Variants in PTPN2 observed in about 807,000 individuals in gnomAD.
The protein encoded by PTPN2 is protein tyrosine phosphatase non-receptor type 2, also known as tyrosine-protein phosphatase non-receptor type 2.
A neutral mutation model predicts 57.3 loss-of-function variants in PTPN2; 19 were observed. The ratio of observed to expected loss-of-function variants is 0.33; its 90% CI spans 0.23 to 0.49. The LOEUF (loss-of-function observed/expected upper bound fraction) is 0.49, where lower values mean the gene tolerates loss of function less well. Ranked by LOEUF, PTPN2 falls within the 20% of genes least tolerant of loss-of-function variation. The probability of loss-of-function intolerance (pLI) is 0.99; values close to 1 mark genes in which losing one functional copy is unlikely to be tolerated. For missense variants in PTPN2, 358 were observed against 501.1 expected, an observed-to-expected ratio of 0.71 and a Z score of 2.73; for synonymous variants, 153 against 164.9, an observed-to-expected ratio of 0.93 and a Z score of 0.55.
At chr18:12,809,952 T>A (rs1430789187) in intron 7 of PTPN2, among the ~76,000 whole-genome samples, 2 of 151,942 alleles carry the variant, frequency 1.3e-5, no homozygotes, top group Non-Finnish European at 2.9e-5. Flanking sequence ...GAGGCTGAGG[T>A]GGGCAGATCA....
chr18:12,816,972 A>G (rs542291889), intron 6 of PTPN2, among the ~76,000 whole-genome samples, 184 bp downstream of exon 6: 1 of 152,274 alleles, frequency 6.6e-6, no homozygotes, highest in African/African-American at 2.4e-5. Flanking sequence ...ATACATTCCT[A>G]CCAGTCATGA....
chr18:12,882,514 C>CT (rs2044696769), intron 1 of PTPN2, among the ~76,000 whole-genome samples: 1 of 152,156 alleles, frequency 6.6e-6, no homozygotes, highest in Non-Finnish European at 1.5e-5. Context: ...TCACTTTTCT[C>CT]TTTTCAAATC....
In PTPN2 at chr18:12,802,005, A is replaced by C; in HGVS notation, c.1005T>G (p.Ser335=). ...LTGDRCTGLS[S]KMQDTMEENS... is the part of the protein sequence containing the mutation. ...TCTCCTCCATTGTATCTTGCATTTT[A>C]GAGGAAAGTCCTGTACATCGGTCAC... Residue 335 remains serine (S), a synonymous_variant, in exon 8 of 9, where the codon TCT becomes TCG. Transcript: ENST00000309660. 1 of 1,609,476 alleles carries C rather than the reference A, an allele frequency of 6.2e-7. No individual in the cohort carries two copies. Among genetic ancestry groups the C allele is most frequent in the Non-Finnish European group, 8.5e-7 (1 of 1,178,422 alleles).
At chr18:12,804,311 A>C (rs12962150) in intron 7 of PTPN2, among the ~76,000 whole-genome samples, 1 of 143,376 alleles carries the variant, frequency 7.0e-6, no homozygotes, top group East Asian at 2.1e-4. Context: ...AAAAAAAAAG[A>C]AAAAGAAAGT....
chr18:12,880,203 GAAC>G (rs1363695819), intron 1 of PTPN2, among the ~76,000 whole-genome samples: 3 of 152,140 alleles, frequency 2.0e-5, no homozygotes, highest in Non-Finnish European at 2.9e-5. Context: ...AAGGCAAAGA[GAAC>G]AACATTTACA....
At chr18:12,786,234 C>T (rs1203139838) in intron 9 of PTPN2, 3 of 188,820 alleles carry the variant, frequency 1.6e-5, no homozygotes, top group South Asian at 2.6e-4. Context: ...GCTAGACTTA[C>T]CAATACTTTG....
chr18:12,841,537 A>G (rs1357581833), intron 2 of PTPN2, among the ~76,000 whole-genome samples: 1 of 152,240 alleles, frequency 6.6e-6, no homozygotes, highest in African/African-American at 2.4e-5. Flanking sequence ...GAGTATTTCC[A>G]AGGTAGCACC....
intron 7 of PTPN2, among the ~76,000 whole-genome samples, chr18:12,802,429 T>A (rs1392439869): frequency 6.6e-6 from 1 of 152,188 alleles, no homozygotes; most frequent in African/African-American, 2.4e-5. Context: ...CTTTTACCTA[T>A]TTGAGACAAA....
downstream of PTPN2, among the ~76,000 whole-genome samples, chr18:12,789,385 G>A (rs1170001729): frequency 4.6e-5 from 7 of 152,114 alleles, no homozygotes; most frequent in Admixed American, 1.3e-4. Flanking sequence ...TTTAAATCGT[G>A]AAAAAATACA....
intron 5 of PTPN2, chr18:12,819,008 C>A: frequency 7.4e-6 from 2 of 270,702 alleles, no homozygotes; most frequent in Non-Finnish European, 1.4e-5. Flanking sequence ...GTGGGAGAAT[C>A]GCTTGAACCC....
rs1268842207 is a variant in PTPN2, at chr18:12,793,296, A to G, written c.*982T>C. The G allele has an allele frequency of 7.2e-6, 7 of 972,578 alleles. No homozygotes were observed. In the East Asian group the frequency reaches 7.9e-4, roughly 110 times the overall value. 60.2% of individuals were successfully genotyped at this position (972,578 alleles called of 1,614,324 possible). ...ATTTATTGAAGTAGAAAGAAACTGA[A>G]AAGTGTTTACTTCAAAACTTCAGTC... is the stretch of plus-strand genomic sequence containing the variant. On this transcript the variant is annotated 3_prime_UTR_variant, in exon 9 of 9. Coordinates refer to ENST00000309660, the MANE Select transcript of PTPN2 (RefSeq NM_002828.4).
chr18:12,839,242 C>T (rs1176839400), intron 2 of PTPN2, among the ~76,000 whole-genome samples: 2 of 152,160 alleles, frequency 1.3e-5, no homozygotes, highest in Non-Finnish European at 2.9e-5. Context: ...CACACGGTTT[C>T]GAGTTTGTGA....
intron 2 of PTPN2, among the ~76,000 whole-genome samples, chr18:12,843,505 C>A (rs149334348): frequency 5.3e-5 from 8 of 152,218 alleles, no homozygotes; most frequent in African/African-American, 1.7e-4. Flanking sequence ...CCCCACTGCA[C>A]GCTTCCACAG....
intron 1 of PTPN2, among the ~76,000 whole-genome samples, chr18:12,867,595 C>A (rs1044214767): frequency 2.0e-5 from 3 of 151,800 alleles, no homozygotes; most frequent in Non-Finnish European, 4.4e-5. Context: ...GTTAGCTTCT[C>A]CATTTGAGTC....
In PTPN2 at chr18:12,786,043, CGAT is replaced by C. The variant is rs993053185; in HGVS notation, c.1143-202_1143-200del. 1.1e-4 allele frequency: 61 copies of C among 562,394 alleles called. No homozygotes were observed. In the African/African-American group the frequency reaches 1.1e-3, roughly 10 times the overall value. 34.8% of individuals were successfully genotyped at this position (562,394 alleles called of 1,614,324 possible). On this transcript the variant is annotated intron_variant, in intron 9 of 9. Coordinates refer to the PTPN2 transcript ENST00000327283. ...ACGGCTGGGGTGCTGGATTTCCAAA[CGAT>C]GGTGGTGTGACGCGGCCTCATGTGG... is the stretch of plus-strand genomic sequence containing the variant.
intron 7 of PTPN2, among the ~76,000 whole-genome samples, chr18:12,813,289 G>A (rs1334446363): frequency 2.6e-5 from 4 of 152,202 alleles, no homozygotes; most frequent in Non-Finnish European, 5.9e-5. Flanking sequence ...CACTGCCAAA[G>A]TGACCCTGGC....
chr18:12,852,260 A>G (rs2043424086), intron 2 of PTPN2, among the ~76,000 whole-genome samples: 1 of 150,906 alleles, frequency 6.6e-6, no homozygotes, highest in Admixed American at 6.7e-5. Flanking sequence ...AAAAGACATG[A>G]CAGTTGACTC....
intron 8 of PTPN2, among the ~76,000 whole-genome samples, chr18:12,800,634 A>T (rs1255445673): frequency 6.6e-6 from 1 of 152,170 alleles, no homozygotes; most frequent in Non-Finnish European, 1.5e-5. Flanking sequence ...TCAGGTATTT[A>T]ATTTTTATAT....
chr18:12,818,579 T>C (rs1331804186), intron 5 of PTPN2, among the ~76,000 whole-genome samples: 2 of 152,172 alleles, frequency 1.3e-5, no homozygotes, highest in African/African-American at 4.8e-5. Context: ...TTCTCTGCTT[T>C]ATACTCTTCA....
Sources: allele counts gnomAD v4.1 joint callset (sites outside exome capture counted in the v4.1 genomes callset), GRCh38; gene constraint gnomAD v4.1.1; transcripts MANE v1.5; gene names NCBI Gene and HGNC (gene_info 2026-07-23, HGNC 2026-07-21).